Variants in CNBD1 observed in about 807,000 individuals in gnomAD.
CNBD1 encodes the protein cyclic nucleotide binding domain containing 1.
A neutral mutation model predicts 54.4 loss-of-function variants in CNBD1; 71 were observed. The ratio of observed to expected loss-of-function variants is 1.30; its 90% CI spans 1.08 to 1.59. CNBD1 has a LOEUF of 1.59. CNBD1 is among the 40% of genes most tolerant of loss of function. The pLI, the probability that CNBD1 is intolerant of heterozygous loss-of-function variation, is 0.00. For missense variants in CNBD1, 659 were observed against 518.0 expected (o/e 1.27, Z -2.64); for synonymous variants, 182 against 170.7 (o/e 1.07, Z -0.51).
chr8:87,080,111 A>G (rs906716628), intron 4 of CNBD1, among the ~76,000 whole-genome samples: 5 of 152,198 alleles, frequency 3.3e-5, no homozygotes, highest in African/African-American at 4.8e-5. Flanking sequence ...TCAAAAATCA[A>G]TTGAGCCTAC....
chr8:87,143,374 C>A (rs900493317), intron 4 of CNBD1, among the ~76,000 whole-genome samples: 2 of 152,134 alleles, frequency 1.3e-5, no homozygotes, highest in African/African-American at 4.8e-5. Context: ...CTAAGGGCAC[C>A]TACATCAACA....
intron 10 of CNBD1, among the ~76,000 whole-genome samples, chr8:87,372,157 A>T (rs998527085): frequency 6.6e-6 from 1 of 152,098 alleles, no homozygotes; most frequent in African/African-American, 2.4e-5. Flanking sequence ...ATACAAAATC[A>T]ATGTACAAAA....
At chr8:87,244,778 ATAAAT>A (rs1272619062) in intron 6 of CNBD1, among the ~76,000 whole-genome samples, 1 of 152,172 alleles carries the variant, frequency 6.6e-6, no homozygotes, top group African/African-American at 2.4e-5. Context: ...TTCAATAAGA[ATAAAT>A]TAAATTAAAT....
chr8:87,351,140 A>G (rs1563564933), intron 8 of CNBD1, among the ~76,000 whole-genome samples: 1 of 152,190 alleles, frequency 6.6e-6, no homozygotes, highest in South Asian at 2.1e-4. Context: ...CAGAGGGGTT[A>G]TGTCATTTAT....
intron 4 of CNBD1, among the ~76,000 whole-genome samples, chr8:86,997,363 T>C (rs770553664): frequency 1.2e-4 from 19 of 152,326 alleles, no homozygotes; most frequent in Middle Eastern, 6.8e-3. Flanking sequence ...TTCAGTCCTC[T>C]AGGGTGTACA....
At chr8:87,242,693 C>T (rs889068924) in intron 6 of CNBD1, among the ~76,000 whole-genome samples, 2 of 152,134 alleles carry the variant, frequency 1.3e-5, no homozygotes, top group Non-Finnish European at 1.5e-5. Context: ...GTTCAACCAC[C>T]TTGGGCACAT....
chr8:87,062,947 CAAG>C (rs1488906752), intron 4 of CNBD1, among the ~76,000 whole-genome samples: 2 of 151,986 alleles, frequency 1.3e-5, no homozygotes, highest in African/African-American at 4.8e-5. Flanking sequence ...GTGTGGTTGT[CAAG>C]AAAATTAACA....
intron 4 of CNBD1, among the ~76,000 whole-genome samples, chr8:86,968,315 G>A (rs1446069766): frequency 6.6e-6 from 1 of 152,152 alleles, no homozygotes; most frequent in Non-Finnish European, 1.5e-5. Flanking sequence ...GCCTGATAAG[G>A]TTCTGGGGGT....
intron 8 of CNBD1, among the ~76,000 whole-genome samples, chr8:87,314,459 A>T (rs537397268): frequency 6.6e-6 from 1 of 152,028 alleles, no homozygotes; most frequent in Non-Finnish European, 1.5e-5. Context: ...AATAGATGAA[A>T]ACTTTCATGA....
In CNBD1 at chr8:86,939,740, T is replaced by G. The variant is rs765258607; in HGVS notation, c.417T>G (p.Ala139=). The change falls in exon 4 of 11, where the codon GCT becomes GCG. Residue 139 remains alanine, a synonymous_variant. Transcript: ENST00000518476. Reference sequence around the variant, plus strand: ...CAGAGAAATTTGAAGAATTCCTAGCTATCTTAAAGAAATTGTAAGTATTTA... The same window carrying G: ...CAGAGAAATTTGAAGAATTCCTAGCGATCTTAAAGAAATTGTAAGTATTTA... ...RATEKFEEFL[A]ILKKLPIHRT... 6.4e-7 allele frequency: 1 copy of G among 1,558,254 alleles called. No individual in the cohort carries two copies. Among genetic ancestry groups the G allele is most frequent in the South Asian group, 1.2e-5 (1 of 84,050 alleles).
intron 1 of CNBD1, among the ~76,000 whole-genome samples, chr8:86,880,219 T>C (rs1036954253): frequency 6.5e-5 from 6 of 91,760 alleles, no homozygotes; most frequent in Admixed American, 4.5e-4. Context: ...CCCTACTTGG[T>C]GACTTCTGAT....
intron 6 of CNBD1, among the ~76,000 whole-genome samples, chr8:87,265,718 A>G (rs1808242068): frequency 6.6e-6 from 1 of 152,246 alleles, no homozygotes; most frequent in South Asian, 2.1e-4. Flanking sequence ...ACTATATATC[A>G]TTTATGACTG....
At chr8:86,925,481 A>AAG (rs1428939913) in intron 3 of CNBD1, among the ~76,000 whole-genome samples, 1,669 of 111,176 alleles carry the variant, frequency 0.015, 31 homozygotes, top group African/African-American at 0.058. Flanking sequence ...GCTTACCAAA[A>AAG]AGTGTGTGTG....
chr8:87,170,268 C>T (rs185144039), intron 4 of CNBD1, among the ~76,000 whole-genome samples: 44 of 152,182 alleles, frequency 2.9e-4, no homozygotes, highest in African/African-American at 9.9e-4. Context: ...TAACCTGCAA[C>T]TTTACTAAAT....
chr8:87,113,515 A>G (rs761390824), intron 4 of CNBD1, among the ~76,000 whole-genome samples: 32 of 152,204 alleles, frequency 2.1e-4, no homozygotes, highest in Non-Finnish European at 4.0e-4. Flanking sequence ...AATTAATGTT[A>G]TTATGTTGAC....
chr8:87,230,246 T>C (rs184954812), intron 5 of CNBD1, among the ~76,000 whole-genome samples: 59 of 152,100 alleles, frequency 3.9e-4, no homozygotes, highest in Non-Finnish European at 7.2e-4. Context: ...TCCAATCACC[T>C]CCCACGGAGG....
At chr8:86,925,752 T>G (rs1809348826) in intron 3 of CNBD1, among the ~76,000 whole-genome samples, 1 of 138,472 alleles carries the variant, frequency 7.2e-6, no homozygotes. Context: ...AAAAAAAGAA[T>G]TAGCCAGGTG....
intron 10 of CNBD1, among the ~76,000 whole-genome samples, chr8:87,356,581 G>A (rs1007821396): frequency 4.0e-5 from 6 of 151,804 alleles, no homozygotes; most frequent in Admixed American, 2.6e-4. Context: ...AATTAGTGTG[G>A]GTGCATCCAA....
At chr8:87,099,379 C>T (rs73281270) in intron 4 of CNBD1, among the ~76,000 whole-genome samples, 2,324 of 151,924 alleles carry the variant, frequency 0.015, 46 homozygotes, top group African/African-American at 0.05. Flanking sequence ...CATTTTTTGG[C>T]GGGTAAATAA....
Sources: gnomAD v4.1 joint callset for allele counts (sites outside exome capture counted in the v4.1 genomes callset) on GRCh38, gnomAD v4.1.1 for gene constraint, MANE v1.5 for transcripts, NCBI Gene and HGNC (gene_info 2026-07-23, HGNC 2026-07-21) for gene names.